Variants in MDGA2 observed in about 807,000 individuals in gnomAD.
MDGA2 encodes the protein MAM domain-containing glycosylphosphatidylinositol anchor protein 2.
A neutral mutation model predicts 117.8 loss-of-function variants in MDGA2; 40 were observed. The observed-to-expected ratio is 0.34, with a 90% CI of 0.26 to 0.44. The LOEUF is 0.44. MDGA2 is among the 20% of genes least tolerant of loss of function. The pLI is 1.00. For synonymous variants in MDGA2, 452 were observed against 439.0 expected (o/e 1.03, Z -0.37); for missense variants, 1,123 against 1,250.6 (o/e 0.90, Z 1.54).
intron 1 of MDGA2, among the ~76,000 whole-genome samples, chr14:47,307,732 A>G (rs1414201319): frequency 6.6e-6 from 1 of 151,920 alleles, no homozygotes; most frequent in Non-Finnish European, 1.5e-5. Context: ...TTTGAAGAAG[A>G]AGGTGGAGAA....
intron 6 of MDGA2, among the ~76,000 whole-genome samples, chr14:47,094,013 A>G (rs1037368904): frequency 2.0e-5 from 3 of 152,106 alleles, no homozygotes; most frequent in African/African-American, 7.2e-5. Flanking sequence ...AGCCTTGAAA[A>G]TAATTTCTTT....
At chr14:47,378,203 T>C (rs1390880205) in intron 1 of MDGA2, among the ~76,000 whole-genome samples, 1 of 152,040 alleles carries the variant, frequency 6.6e-6, no homozygotes, top group East Asian at 1.9e-4. Context: ...CAAAACCCCA[T>C]CTGTACATCA....
chr14:47,233,410 C>T (rs180701159), intron 2 of MDGA2, among the ~76,000 whole-genome samples: 4 of 152,170 alleles, frequency 2.6e-5, no homozygotes, highest in South Asian at 2.1e-4. Context: ...TCTCTCCTTA[C>T]GCGCTTAGTT....
rs1464932285 is a variant in MDGA2 at position 47,603,239 on chromosome 14, TC to T, written c.280+71277del. ...TAAAGGAATCCTAATTTTTCCTGTC[TC>T]ACTACTAATTGACTTTGCTTTTATA... On this transcript the variant is annotated intron_variant, in intron 1 of 16. Transcript: ENST00000399232. 2.4e-4 allele frequency among the ~76,000 whole-genome samples: 37 copies of T among 152,204 alleles called. 1 individual carries two copies. The highest frequency in any genetic ancestry group is 8.7e-4 in the African/African-American group (36 of 41,448).
chr14:47,335,192 T>G (rs1890403259), intron 1 of MDGA2, among the ~76,000 whole-genome samples: 1 of 148,974 alleles, frequency 6.7e-6, no homozygotes, highest in Non-Finnish European at 1.5e-5. Context: ...GTAATTCATA[T>G]ATTGTAGCAG....
At position 47,368,767 on chromosome 14, in the gene MDGA2, T is replaced by C. The variant is rs567797701; in HGVS notation, c.281-67217A>G. 9.0e-5 allele frequency among the ~76,000 whole-genome samples: 13 copies of C among 143,892 alleles called. No individual in the cohort carries two copies. The East Asian group carries it at 1.4e-3, about 15-fold the overall frequency. 94.4% of individuals were successfully genotyped at this position (143,892 alleles called of 152,430 possible). ...TGAGTTCAGAATGAAAGAGTTTTAC[T>C]AGAAAGCGCATAATTAGAGAGTTCA... On this transcript the variant is annotated intron_variant, in intron 1 of 16. Transcript: ENST00000399232.
chr14:47,401,374 C>T (rs1287969354), intron 1 of MDGA2, among the ~76,000 whole-genome samples: 7 of 151,936 alleles, frequency 4.6e-5, no homozygotes, highest in African/African-American at 1.7e-4. Flanking sequence ...ATTAAGATTC[C>T]GAGCTATTAC....
At chr14:47,055,240 TAATTGTC>T (rs901089945) in intron 7 of MDGA2, among the ~76,000 whole-genome samples, 1 of 152,108 alleles carries the variant, frequency 6.6e-6, no homozygotes, top group Non-Finnish European at 1.5e-5. Context: ...ATCATTTCTC[TAATTGTC>T]TCTTTTCTGA....
At chr14:47,668,354 A>T (rs543340548) in intron 1 of MDGA2, among the ~76,000 whole-genome samples, 1 of 152,200 alleles carries the variant, frequency 6.6e-6, no homozygotes, top group Non-Finnish European at 1.5e-5. Flanking sequence ...AGTAATTTGT[A>T]AAAAACAAAT....
chr14:47,314,831 G>T (rs1051800600), intron 1 of MDGA2, among the ~76,000 whole-genome samples: 3 of 152,006 alleles, frequency 2.0e-5, no homozygotes, highest in African/African-American at 7.2e-5. Context: ...TCCATAAATA[G>T]ATTACAATAT....
intron 14 of MDGA2, 27 bp downstream of exon 14, chr14:46,873,406 A>C (rs1882094367): frequency 6.5e-7 from 1 of 1,532,202 alleles, no homozygotes. Flanking sequence ...TTAATTTTGT[A>C]AGAATCAGTA....
At chr14:47,116,006 G>T (rs1233812733) in intron 5 of MDGA2, among the ~76,000 whole-genome samples, 2 of 152,054 alleles carry the variant, frequency 1.3e-5, no homozygotes, top group East Asian at 3.9e-4. Context: ...CCTGTTTGCA[G>T]AACATATGAT....
chr14:46,936,732 A>T (rs995350121), intron 9 of MDGA2, among the ~76,000 whole-genome samples: 2 of 148,080 alleles, frequency 1.4e-5, no homozygotes, highest in Non-Finnish European at 3.0e-5. Context: ...ATTCCTTCAT[A>T]AAAAAAAAAC....
At chr14:47,350,012 G>A (rs1226511604) in intron 1 of MDGA2, among the ~76,000 whole-genome samples, 2 of 152,238 alleles carry the variant, frequency 1.3e-5, no homozygotes, top group Non-Finnish European at 2.9e-5. Context: ...TCAGGAAATA[G>A]GACGGGGACC....
intron 5 of MDGA2, among the ~76,000 whole-genome samples, chr14:47,117,960 G>A (rs1174892518): frequency 6.6e-6 from 1 of 152,136 alleles, no homozygotes; most frequent in Non-Finnish European, 1.5e-5. Flanking sequence ...AAAAATAAAT[G>A]TGCCAAGGAG....
At chr14:47,117,659 T>C (rs1274841944) in intron 5 of MDGA2, among the ~76,000 whole-genome samples, 1 of 152,122 alleles carries the variant, frequency 6.6e-6, no homozygotes, top group African/African-American at 2.4e-5. Flanking sequence ...AAGAGAAATA[T>C]TGCACAATTG....
chr14:47,567,508 AT>A (rs1479039173), intron 1 of MDGA2, among the ~76,000 whole-genome samples: 8 of 152,334 alleles, frequency 5.3e-5, no homozygotes, highest in Non-Finnish European at 1.0e-4. Context: ...TTCTGAGCTC[AT>A]TCCAACTATG....
chr14:47,623,074 C>T (rs1897079001), intron 1 of MDGA2, among the ~76,000 whole-genome samples: 1 of 152,174 alleles, frequency 6.6e-6, no homozygotes, highest in Non-Finnish European at 1.5e-5. Context: ...CAAGAGGGCT[C>T]TGCCTTCATG....
intron 1 of MDGA2, among the ~76,000 whole-genome samples, chr14:47,517,735 T>A (rs1295023614): frequency 5.3e-5 from 8 of 152,110 alleles, no homozygotes; most frequent in Admixed American, 4.6e-4. Flanking sequence ...TACTCAAACA[T>A]CATGAAGAAT....
Sources: gnomAD v4.1 joint callset for allele counts (sites outside exome capture counted in the v4.1 genomes callset) on GRCh38, gnomAD v4.1.1 for gene constraint, MANE v1.5 for transcripts, NCBI Gene and HGNC (gene_info 2026-07-23, HGNC 2026-07-21) for gene names.